The following MRPL45 variants were observed in gnomAD, a reference collection of about 807,000 sequenced individuals.
The protein encoded by MRPL45 is mitochondrial ribosomal protein L45, also known as large ribosomal subunit protein mL45.
A neutral mutation model predicts 38.1 loss-of-function variants in MRPL45; 20 were observed. The observed-to-expected ratio is 0.53, with a 90% CI of 0.37 to 0.76. MRPL45 has a LOEUF of 0.76. Ranked by LOEUF, MRPL45 falls within the 30% of genes least tolerant of loss-of-function variation. The probability of loss-of-function intolerance (pLI) is 0.00; values close to 1 mark genes in which losing one functional copy is unlikely to be tolerated. For missense variants in MRPL45, 337 were observed against 395.6 expected, an observed-to-expected ratio of 0.85 and a Z score of 1.26; for synonymous variants, 105 against 128.8, an observed-to-expected ratio of 0.82 and a Z score of 1.25.
chr17:38,315,359 G>T (rs1273114388), intron 4 of MRPL45, among the ~76,000 whole-genome samples: 1 of 151,994 alleles, frequency 6.6e-6, no homozygotes, highest in Non-Finnish European at 1.5e-5. Flanking sequence ...GGGCTCAAGC[G>T]ATCTTCCCAC....
chr17:38,311,312 G>T lies in MRPL45; in HGVS notation c.461+4681G>T, dbSNP rs113328695. Among the ~76,000 whole-genome samples, 308 of 152,272 alleles carry T rather than the reference G, an allele frequency of 2.0e-3. 3 individuals carry two copies. The highest frequency in any genetic ancestry group is 7.1e-3 in the African/African-American group (295 of 41,570). On this transcript the variant is annotated intron_variant, in intron 4 of 7. Transcript: ENST00000613675. Reference sequence around the variant, plus strand: ...CAAAATCCTAACCCCCAAGGTGATGGTATAGGCTGTGGGGGGCCCTCTGGG... The same window carrying T: ...CAAAATCCTAACCCCCAAGGTGATGTTATAGGCTGTGGGGGGCCCTCTGGG...
intron 4 of MRPL45, among the ~76,000 whole-genome samples, chr17:38,309,523 G>GAA (rs199598572): frequency 1.8e-5 from 1 of 54,082 alleles, no homozygotes; most frequent in African/African-American, 5.9e-5. Context: ...CTCCGTCTCA[G>GAA]AAAAAAAAAA....
At chr17:38,311,424 A>T (rs1164950178) in intron 4 of MRPL45, among the ~76,000 whole-genome samples, 1 of 152,162 alleles carries the variant, frequency 6.6e-6, no homozygotes, top group Non-Finnish European at 1.5e-5. Flanking sequence ...GTGGTGGTTC[A>T]CGCCTATAAT....
chr17:38,303,105 C>A (rs572458077), intron 3 of MRPL45, among the ~76,000 whole-genome samples: 223 of 152,032 alleles, frequency 1.5e-3, no homozygotes, highest in Non-Finnish European at 2.6e-3. Context: ...TTGATTAAAT[C>A]AAATTCTCTA....
At chr17:38,306,369 A>G (rs1212854725) in intron 3 of MRPL45, among the ~76,000 whole-genome samples, 164 bp from the exon 4 acceptor site, 2 of 151,252 alleles carry the variant, frequency 1.3e-5, no homozygotes, top group African/African-American at 2.4e-5. Flanking sequence ...AGATCATGCC[A>G]CTGCACTCCA....
chr17:38,310,684 G>A (rs574759698), intron 4 of MRPL45, among the ~76,000 whole-genome samples: 1 of 152,182 alleles, frequency 6.6e-6, no homozygotes, highest in East Asian at 1.9e-4. Context: ...AGAGTACAGT[G>A]GCTCGATCAT....
At chr17:38,307,647 C>T (rs926387439) in intron 4 of MRPL45, among the ~76,000 whole-genome samples, 11 of 152,024 alleles carry the variant, frequency 7.2e-5, no homozygotes, top group African/African-American at 2.7e-4. Context: ...ACCTGGCCAC[C>T]CAGCTTTTTC....
rs1491119722 is a variant in MRPL45, at chr17:38,313,367, CGT to C, written c.462-5319_462-5318del. On this transcript the variant is annotated intron_variant, in intron 4 of 7. Transcript: ENST00000613675. The stretch of plus-strand genomic sequence containing the variant: ...ATATACGTATATATATATATATATA[CGT>C]ATATATATATATATACATATATATA... Among the ~76,000 whole-genome samples, 22 of 17,076 alleles carry C rather than the reference CGT, an allele frequency of 1.3e-3. 1 individual carries two copies. Among genetic ancestry groups the C allele is most frequent in the African/African-American group, 5.6e-3 (21 of 3,738 alleles). 11.2% of individuals were successfully genotyped at this position (17,076 alleles called of 152,430 possible). A position where few individuals can be genotyped will look rare whatever the true frequency, so the allele number is the denominator to read the frequency against.
In MRPL45 at chr17:38,298,525, C is replaced by G; in HGVS notation, c.143C>G (p.Pro48Arg). 1 of 1,613,876 alleles carries G rather than the reference C, an allele frequency of 6.2e-7. No individual in the cohort carries two copies. The highest frequency in any genetic ancestry group is 8.5e-7 in the Non-Finnish European group (1 of 1,179,864). ...KKRFTPPIYQ[P>R]KFKTEKEFMQ... ...CGTTTCACACCTCCTATTTATCAAC[C>G]TAAATTTAAAACAGAAAAGGAGTTT... Residue 48 changes from proline to arginine, a missense_variant, in exon 2 of 8, where the codon CCT becomes CGT. Transcript: ENST00000613675.
In MRPL45 at chr17:38,320,775, C is replaced by T. The variant is rs1463686369; in HGVS notation, c.660+8C>T. The T allele has an allele frequency of 1.2e-6, 2 of 1,613,448 alleles. No homozygotes were observed. Among genetic ancestry groups the T allele is most frequent in the South Asian group, 1.1e-5 (1 of 91,048 alleles). On this transcript the variant is annotated splice_region_variant and intron_variant, in intron 6 of 7. Transcript: ENST00000613675. ...CGCATGCACACCCGGCAGGTAGAGGCACTCGTCTGCCTTCCTCCCAGCTTT... is the reference window on the plus strand; with the variant it reads ...CGCATGCACACCCGGCAGGTAGAGGTACTCGTCTGCCTTCCTCCCAGCTTT...
chr17:38,317,738 AT>A (rs1316238139), intron 4 of MRPL45, among the ~76,000 whole-genome samples: 3 of 151,412 alleles, frequency 2.0e-5, no homozygotes, highest in East Asian at 3.9e-4. Context: ...CTCTCGGCTA[AT>A]TTTTTTTGTA....
At position 38,322,541 on chromosome 17, in the gene MRPL45, A is replaced by G. The variant is rs777193823; in HGVS notation, c.867A>G (p.Pro289=). 6.2e-7 allele frequency: 1 copy of G among 1,613,148 alleles called. No homozygotes were observed. Residue 289 remains proline (P), a synonymous_variant, in exon 8 of 8, where the codon CCA becomes CCG. Coordinates refer to ENST00000613675, the MANE Select transcript of MRPL45 (RefSeq NM_032351.6). ...TGATCCCTGGCCCTCAGCTGAAACC[A>G]GAAGAAGAATATGAAGAGGCACAAG... ...TVMIPGPQLK[P]EEEYEEAQGE...
chr17:38,298,007 G>A (rs1218433761), intron 1 of MRPL45, among the ~76,000 whole-genome samples: 5 of 152,200 alleles, frequency 3.3e-5, no homozygotes, highest in African/African-American at 1.2e-4. Context: ...TGCGGTGGGA[G>A]GATAGCTAGA....
intron 3 of MRPL45, among the ~76,000 whole-genome samples, chr17:38,303,018 T>G (rs1168458226): frequency 6.6e-6 from 1 of 151,342 alleles, no homozygotes; most frequent in Non-Finnish European, 1.5e-5. Flanking sequence ...GTGCCCAGCC[T>G]TATTAATTGA....
chr17:38,308,440 TTG>T (rs1221623439), intron 4 of MRPL45, among the ~76,000 whole-genome samples: 10 of 150,242 alleles, frequency 6.7e-5, no homozygotes, highest in Admixed American at 6.0e-4. Context: ...GTTTTTTTTT[TTG>T]TTTGTTTGTT....
chr17:38,314,924 A>G (rs530724139), intron 4 of MRPL45, among the ~76,000 whole-genome samples: 1 of 152,344 alleles, frequency 6.6e-6, no homozygotes, highest in East Asian at 1.9e-4. Flanking sequence ...TCAATAATAT[A>G]CAAACGCTCT....
chr17:38,307,828 A>C (rs1307326778), intron 4 of MRPL45, among the ~76,000 whole-genome samples: 1 of 130,898 alleles, frequency 7.6e-6, no homozygotes, highest in Non-Finnish European at 1.6e-5. Flanking sequence ...TAATTATTTA[A>C]TTTTACTTTT....
At chr17:38,305,527 C>T (rs528017463) in intron 3 of MRPL45, among the ~76,000 whole-genome samples, 13 of 150,656 alleles carry the variant, frequency 8.6e-5, no homozygotes, top group African/African-American at 1.2e-4. Flanking sequence ...GATGGAGTCT[C>T]GCTCTGTTTC....
At chr17:38,304,841 C>T (rs901116693) in intron 3 of MRPL45, among the ~76,000 whole-genome samples, 16 of 117,152 alleles carry the variant, frequency 1.4e-4, no homozygotes, top group African/African-American at 3.8e-4. Context: ...TGCGCCCGGC[C>T]GTAACTTCCT....
Sources: allele counts gnomAD v4.1 joint callset (sites outside exome capture counted in the v4.1 genomes callset), GRCh38; gene constraint gnomAD v4.1.1; transcripts MANE v1.5; gene names NCBI Gene and HGNC (gene_info 2026-07-23, HGNC 2026-07-21).